Variants in PRKD1 observed in about 807,000 individuals in gnomAD.
PRKD1 encodes protein kinase D1.
PRKD1 carries 63 observed loss-of-function variants against 95.9 expected under a neutral mutation model. The ratio of observed to expected loss-of-function variants is 0.66; its 90% CI spans 0.54 to 0.81. The LOEUF (loss-of-function observed/expected upper bound fraction) is 0.81, where lower values mean the gene tolerates loss of function less well. Among genes scored for constraint, PRKD1 ranks in the 30% least tolerant of loss-of-function variants. The pLI is 0.00. For synonymous variants in PRKD1, 425 were observed against 423.1 expected, an observed-to-expected ratio of 1.00 and a Z score of -0.05; for missense variants, 1,048 against 1,165.3, an observed-to-expected ratio of 0.90 and a Z score of 1.47.
At chr14:29,773,120 T>C (rs1172504568) in intron 1 of PRKD1, among the ~76,000 whole-genome samples, 1 of 152,194 alleles carries the variant, frequency 6.6e-6, no homozygotes, top group South Asian at 2.1e-4. Flanking sequence ...TAAATCCTTC[T>C]CCAACTATCA....
intron 3 of PRKD1, 37 bp from the exon 4 acceptor site, chr14:29,663,896 A>G: frequency 6.3e-7 from 1 of 1,589,676 alleles, no homozygotes; most frequent in Non-Finnish European, 8.6e-7. Flanking sequence ...TTATTGAACC[A>G]TAAATTAAAA....
chr14:29,828,328 GAGA>G (rs1376905866), intron 1 of PRKD1, among the ~76,000 whole-genome samples: 2 of 152,196 alleles, frequency 1.3e-5, no homozygotes, highest in Admixed American at 1.3e-4. Context: ...GAGCAAGAGA[GAGA>G]AGGAGAAGGT....
At chr14:29,669,098 A>G (rs1479638947) in intron 2 of PRKD1, among the ~76,000 whole-genome samples, 1 of 152,264 alleles carries the variant, frequency 6.6e-6, no homozygotes, top group Non-Finnish European at 1.5e-5. Flanking sequence ...TTAAATACAT[A>G]TAACACACAA....
chr14:29,808,937 C>G (rs1420899685), intron 1 of PRKD1, among the ~76,000 whole-genome samples: 2 of 152,214 alleles, frequency 1.3e-5, no homozygotes, highest in East Asian at 3.8e-4. Flanking sequence ...AGAGAAATCA[C>G]TATATCAATG....
chr14:29,651,893 C>T (rs1881528716), intron 4 of PRKD1, among the ~76,000 whole-genome samples: 1 of 152,070 alleles, frequency 6.6e-6, no homozygotes, highest in Admixed American at 6.6e-5. Flanking sequence ...TACAGGCATG[C>T]ACCACCATGC....
intron 4 of PRKD1, among the ~76,000 whole-genome samples, chr14:29,640,111 T>C (rs1456864126): frequency 6.6e-6 from 1 of 152,168 alleles, no homozygotes; most frequent in Non-Finnish European, 1.5e-5. Context: ...ATAACTGTAT[T>C]AGGTGCCTTA....
chr14:29,723,965 C>G (rs1335350139), intron 2 of PRKD1, among the ~76,000 whole-genome samples: 3 of 151,966 alleles, frequency 2.0e-5, no homozygotes, highest in Non-Finnish European at 4.4e-5. Flanking sequence ...AGGGCATACG[C>G]ACAATGAAGT....
chr14:29,824,842 T>A (rs932961541), intron 1 of PRKD1, among the ~76,000 whole-genome samples: 3 of 152,032 alleles, frequency 2.0e-5, no homozygotes, highest in Non-Finnish European at 2.9e-5. Context: ...ATATATATAT[T>A]TTTAATTAGA....
chr14:29,702,567 T>C (rs1296989027), intron 2 of PRKD1, among the ~76,000 whole-genome samples: 1 of 152,046 alleles, frequency 6.6e-6, no homozygotes, highest in African/African-American at 2.4e-5. Flanking sequence ...TCTTTTTTAA[T>C]CTATTAATGT....
chr14:29,672,175 C>T (rs1328067657), intron 2 of PRKD1, among the ~76,000 whole-genome samples: 2 of 150,830 alleles, frequency 1.3e-5, no homozygotes, highest in African/African-American at 2.4e-5. Context: ...ACCCTGTCTC[C>T]ACTAAAAATA....
intron 11 of PRKD1, among the ~76,000 whole-genome samples, chr14:29,626,967 C>A (rs1594374219): frequency 6.6e-6 from 1 of 152,014 alleles, no homozygotes; most frequent in African/African-American, 2.4e-5. Flanking sequence ...CCTGCCTTGG[C>A]CTCCCAAGGT....
At chr14:29,615,417 A>C (rs1295259016) in intron 13 of PRKD1, among the ~76,000 whole-genome samples, 1 of 152,264 alleles carries the variant, frequency 6.6e-6, no homozygotes, top group East Asian at 1.9e-4. Context: ...ATGTTTGAAG[A>C]TCACTCTTTT....
chr14:29,700,986 G>GCA lies in PRKD1; in HGVS notation c.403+24549_403+24550insTG, dbSNP rs779729017. Among the ~76,000 whole-genome samples, 407 of 52,328 alleles carry GCA rather than the reference G, an allele frequency of 7.8e-3. 2 individuals are homozygous for GCA. The highest frequency in any genetic ancestry group is 0.018 in the East Asian group (38 of 2,066). The allele number at this position is 52,328 out of a possible 152,430, so 34.3% of individuals were successfully genotyped here. Reference sequence around the variant, plus strand: ...TGTACGCGTGCGCATGCGCGCGCGCGCGCACACACACACACACACACCCTG... The same window carrying GCA: ...TGTACGCGTGCGCATGCGCGCGCGCGCACGCACACACACACACACACACCCTG... On this transcript the variant is annotated intron_variant, in intron 2 of 17. Coordinates refer to ENST00000331968, the MANE Select transcript of PRKD1 (RefSeq NM_002742.3).
At chr14:29,585,061 T>C (rs577410121) in intron 16 of PRKD1, among the ~76,000 whole-genome samples, 42 of 149,606 alleles carry the variant, frequency 2.8e-4, no homozygotes, top group African/African-American at 9.8e-4. Flanking sequence ...GTGTTTTCTC[T>C]TTTTTTTTTC....
At chr14:29,577,591 A>G in intron 17 of PRKD1, 135 bp from the exon 18 acceptor site, 1 of 835,598 alleles carries the variant, frequency 1.2e-6, no homozygotes, top group Non-Finnish European at 1.9e-6. Flanking sequence ...TTCATCACGC[A>G]TCCTCAAGTG....
chr14:29,811,244 T>C (rs368183753), intron 1 of PRKD1, among the ~76,000 whole-genome samples: 153 of 152,318 alleles, frequency 1.0e-3, no homozygotes, highest in African/African-American at 3.5e-3. Flanking sequence ...GGCACAGGGA[T>C]ATCTGCACAA....
chr14:29,643,298 G>A (rs1455629037), intron 4 of PRKD1, among the ~76,000 whole-genome samples: 1 of 152,104 alleles, frequency 6.6e-6, no homozygotes, highest in African/African-American at 2.4e-5. Context: ...ATCATGCATG[G>A]GAGATAATAT....
At chr14:29,678,128 A>T (rs1000666848) in intron 2 of PRKD1, among the ~76,000 whole-genome samples, 2 of 152,116 alleles carry the variant, frequency 1.3e-5, no homozygotes, top group African/African-American at 4.8e-5. Flanking sequence ...ATTCTTTCGT[A>T]AGCTTATTGA....
intron 16 of PRKD1, chr14:29,591,357 A>G (rs1893121825): frequency 6.6e-6 from 1 of 152,222 alleles, no homozygotes; most frequent in Non-Finnish European, 1.5e-5. Context: ...ATGATTTTAT[A>G]AATTTTATAA....
Sources: gnomAD v4.1 joint callset for allele counts (sites outside exome capture counted in the v4.1 genomes callset) on GRCh38, gnomAD v4.1.1 for gene constraint, MANE v1.5 for transcripts, NCBI Gene and HGNC (gene_info 2026-07-23, HGNC 2026-07-21) for gene names.